USP33: variants seen among roughly 807,000 people sequenced by gnomAD.
USP33 encodes ubiquitin carboxyl-terminal hydrolase 33.
A neutral mutation model predicts 124.2 loss-of-function variants in USP33; 46 were observed. That is an observed-to-expected ratio of 0.37 (90% CI 0.29 to 0.47). The LOEUF is 0.47. Ranked by LOEUF, USP33 falls within the 20% of genes least tolerant of loss-of-function variation. USP33 has a pLI of 0.99. For missense variants in USP33, 851 were observed against 1,070.6 expected (o/e 0.79, Z 2.86); for synonymous variants, 350 against 352.3 (o/e 0.99, Z 0.07).
intron 22 of USP33, among the ~76,000 whole-genome samples, chr1:77,699,898 T>C (rs981716353): frequency 6.6e-6 from 1 of 152,184 alleles, no homozygotes; most frequent in Non-Finnish European, 1.5e-5. Flanking sequence ...TGCAGGGACA[T>C]GGATGGAGCT....
At position 77,728,414 on chromosome 1, in the gene USP33, T is replaced by C. The variant is rs773741324; in HGVS notation, c.1016A>G (p.Asn339Ser). The C allele has an allele frequency of 6.8e-6, 11 of 1,614,112 alleles. No individual in the cohort carries two copies. Among genetic ancestry groups the C allele is most frequent in the Admixed American group, 5.0e-5 (3 of 60,024 alleles). Residue 339 changes from asparagine to serine, a missense_variant, in exon 10 of 24, where the codon AAT (asparagine) becomes AGT (serine). By Grantham distance (46) the Asn-to-Ser change is conservative (BLOSUM62 1). This residue lies in a region of USP33 where 207 missense variants were observed against 200.9 expected (regional missense o/e 1.03). Coordinates refer to ENST00000370794, the MANE Select transcript of USP33 (RefSeq NM_201624.3). ...SKDWQKEKMC[N>S]KINKVNSEGE... ...TTCAGAATTTACTTTATTAATCTTA[T>C]TGCACATCTTCTCTTTTTGCCAATC...
intron 15 of USP33, among the ~76,000 whole-genome samples, chr1:77,718,926 CAAAA>C (rs1049500513): frequency 7.6e-5 from 4 of 52,510 alleles, no homozygotes; most frequent in African/African-American, 1.4e-4. Flanking sequence ...GACCCTGCCT[CAAAA>C]AAAAAAAAAA....
At chr1:77,729,405 C>T (rs186231771) in intron 9 of USP33, among the ~76,000 whole-genome samples, 3 of 150,926 alleles carry the variant, frequency 2.0e-5, no homozygotes, top group African/African-American at 4.9e-5. Context: ...AGTACAGTGC[C>T]TCATGCCTGT....
At chr1:77,744,923 G>A (rs1679570100) in intron 1 of USP33, among the ~76,000 whole-genome samples, 1 of 152,200 alleles carries the variant, frequency 6.6e-6, no homozygotes, top group South Asian at 2.1e-4. Context: ...GGAAAGTTCT[G>A]TAGATGTCTA....
rs535484592 is a variant in USP33 at position 77,743,716 on chromosome 1, T to C, written c.-51-1968A>G. Reference sequence around the variant, plus strand: ...CAAAGCCTTTAAGGGTTGTTGGTATTCTCATCAGCCACAGTTGAAAGACAC... The same window carrying C: ...CAAAGCCTTTAAGGGTTGTTGGTATCCTCATCAGCCACAGTTGAAAGACAC... On this transcript the variant is annotated intron_variant, in intron 1 of 23. Coordinates refer to ENST00000370794, the MANE Select transcript of USP33 (RefSeq NM_201624.3). Among the ~76,000 whole-genome samples the C allele has an allele frequency of 2.6e-3, 400 of 152,322 alleles. 1 individual carries two copies. The highest frequency in any genetic ancestry group is 6.8e-3 in the South Asian group (33 of 4,818).
At chr1:77,698,668 T>A (rs1349272554) in intron 22 of USP33, among the ~76,000 whole-genome samples, 1 of 149,962 alleles carries the variant, frequency 6.7e-6, no homozygotes, top group African/African-American at 2.4e-5. Context: ...GCCCAGCTAA[T>A]TTTTTGTATT....
At chr1:77,742,307 C>G (rs1362073414) in intron 1 of USP33, among the ~76,000 whole-genome samples, 1 of 152,094 alleles carries the variant, frequency 6.6e-6, no homozygotes, top group Admixed American at 6.5e-5. Context: ...CACTTAGGGC[C>G]AGATAATTCT....
At position 77,697,844 on chromosome 1, in the gene USP33, A is replaced by G; in HGVS notation, c.2578+19T>C. The G allele has an allele frequency of 3.8e-6, 6 of 1,594,952 alleles. No homozygotes were observed. Among genetic ancestry groups the G allele is most frequent in the Non-Finnish European group, 4.3e-6 (5 of 1,172,186 alleles). ...ACAAATCACTCACAAGTAAAAGCTT[A>G]AATACGAGTCAAACTTACCTTGCCT... is the stretch of plus-strand genomic sequence containing the variant. On this transcript the variant is annotated intron_variant, in intron 23 of 23. Transcript: ENST00000370794.
chr1:77,722,425 T>C (rs1676674300), intron 12 of USP33: 1 of 400,340 alleles, frequency 2.5e-6, no homozygotes, highest in Admixed American at 4.2e-5. Flanking sequence ...ACGTAAGTCC[T>C]GTGCAGTAGT....
intron 1 of USP33, among the ~76,000 whole-genome samples, chr1:77,750,425 G>A (rs541454015): frequency 6.5e-4 from 99 of 152,094 alleles, no homozygotes; most frequent in Non-Finnish European, 1.0e-3. Context: ...TTGAGCTGAC[G>A]AGTTCAAGAC....
chr1:77,731,954 A>G (rs1390872316), intron 7 of USP33, among the ~76,000 whole-genome samples: 1 of 151,730 alleles, frequency 6.6e-6, no homozygotes, highest in Non-Finnish European at 1.5e-5. Context: ...ATTTTAAAAC[A>G]TTATCTGGGA....
At chr1:77,755,916 C>T (rs147061398) in intron 1 of USP33, among the ~76,000 whole-genome samples, 2 of 152,268 alleles carry the variant, frequency 1.3e-5, no homozygotes, top group African/African-American at 4.8e-5. Context: ...CAGCATTGTT[C>T]AAGTCTCCAC....
chr1:77,722,449 T>C (rs1461526669), intron 12 of USP33: 3 of 306,706 alleles, frequency 9.8e-6, no homozygotes, highest in African/African-American at 6.6e-5. Flanking sequence ...AGCATCCCCA[T>C]TACAATCACA....
intron 3 of USP33, 139 bp from the exon 4 acceptor site, chr1:77,741,078 A>T: frequency 1.5e-6 from 1 of 645,220 alleles, no homozygotes; most frequent in Non-Finnish European, 2.6e-6. Flanking sequence ...TCCAGTCATT[A>T]AATTTAACCA....
At chr1:77,750,152 T>C (rs576844968) in intron 1 of USP33, among the ~76,000 whole-genome samples, 13 of 152,138 alleles carry the variant, frequency 8.5e-5, no homozygotes, top group African/African-American at 3.1e-4. Flanking sequence ...ACCCCTTCTT[T>C]ACTAAAAATA....
At chr1:77,740,224 A>G (rs774162398) in intron 4 of USP33, among the ~76,000 whole-genome samples, 4 of 152,230 alleles carry the variant, frequency 2.6e-5, no homozygotes, top group Non-Finnish European at 4.4e-5. Context: ...ATGTGCAGGA[A>G]AAGGCAATAT....
At chr1:77,747,954 A>G (rs1679903803) in intron 1 of USP33, among the ~76,000 whole-genome samples, 1 of 152,146 alleles carries the variant, frequency 6.6e-6, no homozygotes, top group African/African-American at 2.4e-5. Flanking sequence ...ATTTTATTCC[A>G]CCAATCTATG....
chr1:77,759,553 C>G (rs368226442), intron 1 of USP33, 90 bp downstream of exon 1: 4 of 398,012 alleles, frequency 1.0e-5, no homozygotes, highest in Middle Eastern at 6.2e-4. Context: ...GCCGCAACCC[C>G]AGCGCGCGGA....
chr1:77,739,034 G>A (rs976168393), intron 5 of USP33, among the ~76,000 whole-genome samples: 9 of 151,804 alleles, frequency 5.9e-5, no homozygotes, highest in African/African-American at 2.2e-4. Context: ...AATTCATTAG[G>A]GCCTTTTCCA....
Sources: gnomAD v4.1 joint callset for allele counts (sites outside exome capture counted in the v4.1 genomes callset) on GRCh38, gnomAD v4.1.1 for gene constraint, gnomAD v4.1.1 regional missense constraint, MANE v1.5 for transcripts, NCBI Gene and HGNC (gene_info 2026-07-23, HGNC 2026-07-21) for gene names.